The following PCED1B variants were observed in gnomAD, a reference collection of about 807,000 sequenced individuals.
PCED1B encodes the protein PC-esterase domain containing 1B.
For missense variants in PCED1B, 573 were observed against 573.9 expected, an observed-to-expected ratio of 1.00 and a Z score of 0.02; for synonymous variants, 251 against 246.1, an observed-to-expected ratio of 1.02 and a Z score of -0.19.
chr12:47,130,948 T>C (rs187724793), intron 2 of PCED1B, among the ~76,000 whole-genome samples: 24 of 152,320 alleles, frequency 1.6e-4, no homozygotes, highest in East Asian at 1.3e-3. Context: ...GATTGAGATG[T>C]GTCAAGCAAT....
intron 2 of PCED1B, among the ~76,000 whole-genome samples, chr12:47,192,161 C>CTTTTTTTTTTTGTT (rs1448515951): frequency 7.6e-6 from 1 of 130,912 alleles, no homozygotes; most frequent in Non-Finnish European, 1.6e-5. Flanking sequence ...GGAGGCTACG[C>CTTTTTTTTTTTGTT]TTTTTTTTTT....
chr12:47,201,356 C>T (rs1942758084), intron 2 of PCED1B, among the ~76,000 whole-genome samples: 1 of 152,054 alleles, frequency 6.6e-6, no homozygotes, highest in Non-Finnish European at 1.5e-5. Flanking sequence ...TAATTGCATT[C>T]TTGGATGTGC....
intron 2 of PCED1B, among the ~76,000 whole-genome samples, chr12:47,199,432 A>G (rs1398313619): frequency 6.6e-6 from 1 of 152,228 alleles, no homozygotes; most frequent in Non-Finnish European, 1.5e-5. Flanking sequence ...GACCCAGAAT[A>G]GCCAACATAA....
rs571996472 is a variant in PCED1B, at chr12:47,148,917, A to G, written c.-526+44722A>G. 3.0e-4 allele frequency among the ~76,000 whole-genome samples: 46 copies of G among 152,326 alleles called. No individual in the cohort carries two copies. The South Asian group carries it at 7.9e-3, about 26-fold the overall frequency. ...TCTTTTCTGTATTTCATGGGATTTTACAAAATTAGCACCTTCTGTCCCGTT... is the reference window on the plus strand; with the variant it reads ...TCTTTTCTGTATTTCATGGGATTTTGCAAAATTAGCACCTTCTGTCCCGTT... On this transcript the variant is annotated intron_variant, in intron 2 of 3. Transcript: ENST00000546455.
At chr12:47,121,024 GGGTATGT>G (rs955977610) in intron 2 of PCED1B, among the ~76,000 whole-genome samples, 1 of 152,142 alleles carries the variant, frequency 6.6e-6, no homozygotes, top group African/African-American at 2.4e-5. Context: ...CATAGCTAAA[GGGTATGT>G]GGCTGCTTTC....
intron 2 of PCED1B, among the ~76,000 whole-genome samples, chr12:47,163,427 T>A (rs573068458): frequency 6.6e-6 from 1 of 152,362 alleles, no homozygotes; most frequent in East Asian, 1.9e-4. Flanking sequence ...AAATACTGTG[T>A]TTACAACTTC....
intron 2 of PCED1B, among the ~76,000 whole-genome samples, chr12:47,113,938 A>G (rs922015670): frequency 7.2e-6 from 1 of 138,180 alleles, no homozygotes; most frequent in African/African-American, 2.8e-5. Context: ...GTGACAGAGC[A>G]TGACTCCATC....
rs117507522 is a variant in PCED1B, at chr12:47,148,613, G to C, written c.-526+44418G>C. ...TTGCTTCACTTTTCTGGAGTTAAAT[G>C]ACTCCTAGGAGAAAAAAACAAAGGC... On this transcript the variant is annotated intron_variant, in intron 2 of 3. Transcript: ENST00000546455. 4.4e-3 allele frequency among the ~76,000 whole-genome samples: 676 copies of C among 152,278 alleles called. 3 individuals are homozygous for C. Among genetic ancestry groups the C allele is most frequent in the Non-Finnish European group, 7.1e-3 (485 of 68,026 alleles).
At chr12:47,117,117 G>A (rs1200792078) in intron 2 of PCED1B, among the ~76,000 whole-genome samples, 1 of 152,140 alleles carries the variant, frequency 6.6e-6, no homozygotes, top group Non-Finnish European at 1.5e-5. Context: ...CAGAATGCTG[G>A]GATTACAGAA....
chr12:47,180,234 C>G (rs943294425), intron 2 of PCED1B, among the ~76,000 whole-genome samples: 1 of 152,196 alleles, frequency 6.6e-6, no homozygotes. Flanking sequence ...AGGATAATGG[C>G]TTCCAGCTCC....
chr12:47,127,152 T>C (rs989172698), intron 2 of PCED1B, among the ~76,000 whole-genome samples: 3 of 152,204 alleles, frequency 2.0e-5, no homozygotes, highest in Non-Finnish European at 2.9e-5. Context: ...CACTATAAAC[T>C]GTCCTTTATG....
chr12:47,149,769 G>T (rs140739615), intron 2 of PCED1B, among the ~76,000 whole-genome samples: 1 of 152,198 alleles, frequency 6.6e-6, no homozygotes, highest in Non-Finnish European at 1.5e-5. Context: ...TAGAAGAGAT[G>T]CAGAGGAGTA....
intron 2 of PCED1B, among the ~76,000 whole-genome samples, chr12:47,183,754 C>T (rs887844351): frequency 3.3e-5 from 5 of 152,184 alleles, no homozygotes; most frequent in African/African-American, 7.2e-5. Context: ...TTGTGTGCCA[C>T]GTGAGGACAG....
chr12:47,087,868 A>G (rs1000297592), intron 1 of PCED1B, among the ~76,000 whole-genome samples: 1 of 152,212 alleles, frequency 6.6e-6, no homozygotes, highest in African/African-American at 2.4e-5. Flanking sequence ...CACTCGCAAT[A>G]AAGAATTATA....
At chr12:47,177,946 C>CA (rs34169048) in intron 2 of PCED1B, among the ~76,000 whole-genome samples, 3 of 150,384 alleles carry the variant, frequency 2.0e-5, no homozygotes, top group Non-Finnish European at 3.0e-5. Context: ...GACCCTGTCT[C>CA]AAAAAAAAAG....
chr12:47,218,495 C>G (rs956856638), intron 3 of PCED1B, among the ~76,000 whole-genome samples: 1 of 151,952 alleles, frequency 6.6e-6, no homozygotes, highest in Non-Finnish European at 1.5e-5. Context: ...GAGTAAAAGC[C>G]AAGGCAGAGA....
intron 2 of PCED1B, among the ~76,000 whole-genome samples, chr12:47,214,058 A>G (rs1368401299): frequency 6.6e-6 from 1 of 152,180 alleles, no homozygotes; most frequent in Non-Finnish European, 1.5e-5. Flanking sequence ...ATAATGGCAG[A>G]TTTTTCAAAG....
At chr12:47,089,207 C>A (rs1938133248) in intron 1 of PCED1B, among the ~76,000 whole-genome samples, 1 of 151,734 alleles carries the variant, frequency 6.6e-6, no homozygotes, top group Non-Finnish European at 1.5e-5. Flanking sequence ...CTTTGGGAGG[C>A]CAAGGCAGGC....
chr12:47,123,763 C>T (rs1939773614), intron 2 of PCED1B, among the ~76,000 whole-genome samples: 1 of 151,950 alleles, frequency 6.6e-6, no homozygotes, highest in Non-Finnish European at 1.5e-5. Context: ...ATCTATTATA[C>T]TTTCATTTTA....
Sources: allele counts gnomAD v4.1 joint callset (sites outside exome capture counted in the v4.1 genomes callset), GRCh38; gene constraint gnomAD v4.1.1; transcripts MANE v1.5; gene names NCBI Gene and HGNC (gene_info 2026-07-23, HGNC 2026-07-21).